The following PDZRN4 variants were observed in gnomAD, a reference collection of about 807,000 sequenced individuals.
The protein encoded by PDZRN4 is PDZ domain-containing RING finger protein 4.
Under a neutral mutation model 99.0 loss-of-function variants are expected in PDZRN4, and 70 were observed. That is an observed-to-expected ratio of 0.71 (90% CI 0.58 to 0.86). The LOEUF (loss-of-function observed/expected upper bound fraction) is 0.86, where lower values mean the gene tolerates loss of function less well. Among genes scored for constraint, PDZRN4 ranks in the 40% least tolerant of loss-of-function variants. The pLI is 0.00. For synonymous variants in PDZRN4, 551 were observed against 501.6 expected, an observed-to-expected ratio of 1.10 and a Z score of -1.32; for missense variants, 1,474 against 1,331.2, an observed-to-expected ratio of 1.11 and a Z score of -1.67.
chr12:41,270,276 C>CTG (rs1951305535), intron 3 of PDZRN4, among the ~76,000 whole-genome samples: 1 of 108,032 alleles, frequency 9.3e-6, no homozygotes, highest in African/African-American at 3.8e-5. Context: ...GTGTGTGTGT[C>CTG]TGTGTGTGTG....
chr12:41,437,738 C>T, intron 3 of PDZRN4: 1 of 1,470,134 alleles, frequency 6.8e-7, no homozygotes, highest in Non-Finnish European at 8.9e-7. Flanking sequence ...TCCGTGAGTG[C>T]AAGATACTTA....
intron 3 of PDZRN4, among the ~76,000 whole-genome samples, chr12:41,327,174 CTTACATTG>C (rs1215273941): frequency 2.6e-5 from 4 of 152,128 alleles, no homozygotes; most frequent in African/African-American, 9.7e-5. Flanking sequence ...CAGCCTTGAG[CTTACATTG>C]TTCAGGCCAT....
intron 3 of PDZRN4, among the ~76,000 whole-genome samples, chr12:41,472,058 A>C (rs1277058659): frequency 6.7e-6 from 1 of 149,454 alleles, no homozygotes; most frequent in African/African-American, 2.5e-5. Flanking sequence ...GCTGGAGTGC[A>C]GTGGCACGTC....
chr12:41,488,216 C>T (rs149121468), intron 3 of PDZRN4, among the ~76,000 whole-genome samples: 3 of 152,262 alleles, frequency 2.0e-5, no homozygotes, highest in East Asian at 1.9e-4. Flanking sequence ...GTGAAGTGTA[C>T]GGATAATCAA....
chr12:41,222,169 C>T (rs1274198465), intron 3 of PDZRN4, among the ~76,000 whole-genome samples: 2 of 152,246 alleles, frequency 1.3e-5, no homozygotes, highest in South Asian at 2.1e-4. Context: ...TGCAGACTAT[C>T]GGAAATTGTG....
At chr12:41,424,270 A>G (rs894939181) in intron 3 of PDZRN4, among the ~76,000 whole-genome samples, 2 of 152,130 alleles carry the variant, frequency 1.3e-5, no homozygotes, top group South Asian at 2.1e-4. Context: ...TTTTGCTTCA[A>G]GGGATCTTTA....
intron 3 of PDZRN4, among the ~76,000 whole-genome samples, chr12:41,296,944 C>A (rs369139350): frequency 5.3e-5 from 8 of 152,194 alleles, no homozygotes; most frequent in Middle Eastern, 3.4e-3. Flanking sequence ...GGCAAGAGAG[C>A]AAGACCCTGA....
At chr12:41,421,725 T>G (rs1476307153) in intron 3 of PDZRN4, among the ~76,000 whole-genome samples, 1 of 152,170 alleles carries the variant, frequency 6.6e-6, no homozygotes, top group African/African-American at 2.4e-5. Flanking sequence ...AGTATGTAAC[T>G]TGTTTCTTCA....
At chr12:41,285,932 A>G (rs947081561) in intron 3 of PDZRN4, among the ~76,000 whole-genome samples, 3 of 152,122 alleles carry the variant, frequency 2.0e-5, no homozygotes, top group African/African-American at 7.2e-5. Context: ...GCAAACCACC[A>G]TGGCACATGT....
chr12:41,332,650 T>C (rs1354997566), intron 3 of PDZRN4, among the ~76,000 whole-genome samples: 1 of 150,992 alleles, frequency 6.6e-6, no homozygotes, highest in Non-Finnish European at 1.5e-5. Context: ...GCAGAACTCA[T>C]TTGTGAATCA....
At chr12:41,197,581 C>T (rs1950781888) in intron 3 of PDZRN4, among the ~76,000 whole-genome samples, 1 of 152,122 alleles carries the variant, frequency 6.6e-6, no homozygotes, top group Non-Finnish European at 1.5e-5. Context: ...GTCAAAATAT[C>T]ACTGGAGACT....
At chr12:41,306,848 T>C (rs1951573779) in intron 3 of PDZRN4, among the ~76,000 whole-genome samples, 1 of 152,134 alleles carries the variant, frequency 6.6e-6, no homozygotes, top group Non-Finnish European at 1.5e-5. Context: ...GGATCACCTT[T>C]TCTTCATTGT....
chr12:41,289,934 A>G (rs545975486), intron 3 of PDZRN4, among the ~76,000 whole-genome samples: 25 of 152,308 alleles, frequency 1.6e-4, no homozygotes, highest in Middle Eastern at 3.4e-3. Flanking sequence ...CTGACTGCAT[A>G]GTGGATCTCC....
At chr12:41,320,520 G>T (rs1951668847) in intron 3 of PDZRN4, among the ~76,000 whole-genome samples, 2 of 152,126 alleles carry the variant, frequency 1.3e-5, no homozygotes, top group Admixed American at 6.5e-5. Context: ...ATTGTCTTGA[G>T]GTGTCCTCTT....
chr12:41,304,470 C>G (rs1375323595), intron 3 of PDZRN4, among the ~76,000 whole-genome samples: 1 of 152,174 alleles, frequency 6.6e-6, no homozygotes, highest in East Asian at 1.9e-4. Flanking sequence ...ACTCAGTGCT[C>G]TCTTCCCAGG....
intron 3 of PDZRN4, among the ~76,000 whole-genome samples, chr12:41,282,385 A>T (rs974052482): frequency 2.0e-5 from 3 of 152,206 alleles, no homozygotes; most frequent in African/African-American, 7.2e-5. Context: ...GTTATTAGAG[A>T]CCTACAAAGA....
chr12:41,567,604 C>CTTTTTTTT (rs34848026), intron 8 of PDZRN4, among the ~76,000 whole-genome samples, 179 bp from the exon 9 acceptor site: 1 of 144,348 alleles, frequency 6.9e-6, no homozygotes, highest in Admixed American at 6.9e-5. Context: ...CATAAGAGTC[C>CTTTTTTTT]TTTTTTTTTT....
At chr12:41,430,714 T>C (rs568549454) in intron 3 of PDZRN4, among the ~76,000 whole-genome samples, 2 of 152,276 alleles carry the variant, frequency 1.3e-5, no homozygotes, top group East Asian at 1.9e-4. Context: ...AACAATGTAA[T>C]AGAGATTTAA....
chr12:41,567,789 G>T lies in PDZRN4; in HGVS notation c.1474G>T (p.Glu492Ter). The T allele has an allele frequency of 6.2e-7, 1 of 1,607,726 alleles. No individual in the cohort carries two copies. Among genetic ancestry groups the T allele is most frequent in the Non-Finnish European group, 8.5e-7 (1 of 1,174,950 alleles). ...LVARPEIQLD[E>*]GWLEDERNEF... Reference sequence around the variant, plus strand: ...CTAATGTATTCTTTTGCAGCTGGATGAAGGCTGGCTGGAAGATGAAAGGAA... The same window carrying T: ...CTAATGTATTCTTTTGCAGCTGGATTAAGGCTGGCTGGAAGATGAAAGGAA... Residue 492 changes from glutamate to a stop codon, truncating the protein, a stop_gained, in exon 9 of 10, where the codon GAA (glutamate) becomes TAA (stop). Coordinates refer to ENST00000402685, the MANE Select transcript of PDZRN4 (RefSeq NM_001164595.2). LOFTEE classifies it high-confidence loss of function.
Sources: gnomAD v4.1 joint callset for allele counts (sites outside exome capture counted in the v4.1 genomes callset) on GRCh38, gnomAD v4.1.1 for gene constraint, MANE v1.5 for transcripts, NCBI Gene and HGNC (gene_info 2026-07-23, HGNC 2026-07-21) for gene names.